FAT3: variants seen among roughly 807,000 people sequenced by gnomAD.
The protein encoded by FAT3 is protocadherin Fat 3.
In FAT3, 95 loss-of-function variants were observed where a neutral mutation model predicts 310.2. That is an observed-to-expected ratio of 0.31 (90% CI 0.26 to 0.36). The LOEUF is 0.36. Among genes scored for constraint, FAT3 ranks in the 10% least tolerant of loss-of-function variants. The pLI, the probability that FAT3 is intolerant of heterozygous loss-of-function variation, is 1.00. For synonymous variants in FAT3, 2,314 were observed against 2,192.9 expected (o/e 1.06, Z -1.54); for missense variants, 5,408 against 5,715.6 (o/e 0.95, Z 1.74).
In FAT3 at chr11:92,799,972, A is replaced by C; in HGVS notation, c.6959A>C (p.Lys2320Thr). ...VSIDADSENN[K>T]MVHYQIVQDT... The stretch of plus-strand genomic sequence containing the variant: ...ATTGATGCAGACTCAGAAAACAATA[A>C]AATGGTACATTATCAGATTGTCCAG... Residue 2320 changes from lysine to threonine, a missense_variant, in exon 10 of 28, where the codon AAA becomes ACA. Transcript: ENST00000525166. The C allele has an allele frequency of 1.2e-6, 2 of 1,613,484 alleles. No homozygotes were observed.
chr11:92,469,165 T>C (rs2135142441), intron 2 of FAT3, among the ~76,000 whole-genome samples: 1 of 152,276 alleles, frequency 6.6e-6, no homozygotes, highest in African/African-American at 2.4e-5. Flanking sequence ...GCATGTGGGA[T>C]CTTGATTGTT....
chr11:92,809,435 A>T (rs1947604693), intron 12 of FAT3, among the ~76,000 whole-genome samples: 1 of 152,216 alleles, frequency 6.6e-6, no homozygotes, highest in East Asian at 1.9e-4. Context: ...GTTGTTGACA[A>T]TATTGACCAT....
intron 19 of FAT3, among the ~76,000 whole-genome samples, chr11:92,848,608 T>C (rs144056686): frequency 7.9e-4 from 121 of 152,370 alleles, no homozygotes; most frequent in Admixed American, 1.6e-3. Context: ...CATCAGAGTT[T>C]ACAACCAGTG....
At position 92,752,635 on chromosome 11, in the gene FAT3, A is replaced by G. The variant is rs1401400615; in HGVS notation, c.3670-9221A>G. On this transcript the variant is annotated intron_variant, in intron 4 of 27. Transcript: ENST00000525166. ...CTTGCACTTATACCTGCAAAAGGAAACCACACACTTACAGGTGTGATTATA... is the reference window on the plus strand; with the variant it reads ...CTTGCACTTATACCTGCAAAAGGAAGCCACACACTTACAGGTGTGATTATA... 3.3e-5 allele frequency among the ~76,000 whole-genome samples: 5 copies of G among 152,246 alleles called. 1 individual carries two copies. Among genetic ancestry groups the G allele is most frequent in the Admixed American group, 2.6e-4 (4 of 15,290 alleles).
intron 3 of FAT3, among the ~76,000 whole-genome samples, chr11:92,565,221 C>T (rs1263069069): frequency 2.0e-5 from 3 of 151,350 alleles, no homozygotes; most frequent in East Asian, 2.0e-4. Flanking sequence ...ACCGATCCCA[C>T]GGAAATACAA....
intron 3 of FAT3, among the ~76,000 whole-genome samples, chr11:92,631,031 T>C (rs1299979329): frequency 6.6e-6 from 1 of 152,176 alleles, no homozygotes; most frequent in Non-Finnish European, 1.5e-5. Flanking sequence ...AGCAACCATA[T>C]TGGTATTGGT....
At chr11:92,849,020 C>A (rs552455524) in intron 19 of FAT3, among the ~76,000 whole-genome samples, 1 of 152,192 alleles carries the variant, frequency 6.6e-6, no homozygotes, top group African/African-American at 2.4e-5. Flanking sequence ...CAAGCCATGA[C>A]CAGTTCGCAT....
chr11:92,659,600 A>G (rs536476252), intron 3 of FAT3, among the ~76,000 whole-genome samples: 1 of 152,324 alleles, frequency 6.6e-6, no homozygotes, highest in South Asian at 2.1e-4. Context: ...CTGAGAGGAA[A>G]AGTAGGTGTT....
chr11:92,314,246 C>T (rs1006264421), intron 1 of FAT3: 1 of 965,424 alleles, frequency 1.0e-6, no homozygotes, highest in Non-Finnish European at 1.2e-6. Flanking sequence ...TAATTAAGGT[C>T]ATTGGATCAT....
rs1205602045 is a variant in FAT3, at chr11:92,859,185, G to T, written c.11521G>T (p.Ala3841Ser). Residue 3841 changes from alanine to serine, a missense_variant, in exon 21 of 28, where the codon GCT (alanine) becomes TCT (serine). Transcript: ENST00000525166. ...ECSGHTSLSF[A>S]GNSYIKYRLS... ...TTCAGGGCACACTTCTCTCAGCTTT[G>T]CTGGAAACAGTTACATCAAATATCG... The T allele has an allele frequency of 2.5e-6, 4 of 1,613,440 alleles. No individual in the cohort carries two copies. The highest frequency in any genetic ancestry group is 3.4e-6 in the Non-Finnish European group (4 of 1,179,816).
Position 92,794,662 on chromosome 11 carries a change from A to G in FAT3, c.4822+1685A>G, listed in dbSNP as rs149497875. ...CGTTTCTTTAACTGACTAAAACAAG[A>G]CAGAACAGTTATTTCCTTAAAACAT... On this transcript the variant is annotated intron_variant, in intron 9 of 27. Coordinates refer to ENST00000525166, the MANE Select transcript of FAT3 (RefSeq NM_001367949.2). 5.9e-3 allele frequency among the ~76,000 whole-genome samples: 899 copies of G among 152,358 alleles called. 23 individuals are homozygous for G. In the South Asian group the frequency reaches 0.071, roughly 12 times the overall value.
At chr11:92,248,883 T>C (rs1410322290) in intron 1 of FAT3, among the ~76,000 whole-genome samples, 1 of 152,104 alleles carries the variant, frequency 6.6e-6, no homozygotes, top group African/African-American at 2.4e-5. Flanking sequence ...ATAAGAATCA[T>C]GGAACTTTAG....
rs1947473164 is a variant in FAT3 at position 92,805,297 on chromosome 11, T to C, written c.9041T>C (p.Met3014Thr). ...GATGGGCTTTTTGTCACACAGGCCA[T>C]GGTGGAAGTGAGCGTCAGTGATGTG... ...ATDGLFVTQA[M>T]VEVSVSDVND... The change falls in exon 11 of 28, where the codon ATG becomes ACG. Residue 3014 changes from methionine to threonine, a missense_variant. By Grantham distance (81) the Met-to-Thr change is moderately conservative. Transcript: ENST00000525166. 6.2e-7 allele frequency: 1 copy of C among 1,613,658 alleles called. No individual in the cohort carries two copies. Among genetic ancestry groups the C allele is most frequent in the African/African-American group, 1.3e-5 (1 of 74,870 alleles).
At chr11:92,331,364 A>T (rs1426245447) in intron 1 of FAT3, among the ~76,000 whole-genome samples, 1 of 151,724 alleles carries the variant, frequency 6.6e-6, no homozygotes, top group African/African-American at 2.4e-5. Flanking sequence ...CTGAATAAAT[A>T]TTTTCTCTTC....
At chr11:92,760,074 C>G (rs532693381) in intron 4 of FAT3, among the ~76,000 whole-genome samples, 111 of 152,288 alleles carry the variant, frequency 7.3e-4, no homozygotes, top group African/African-American at 2.5e-3. Context: ...TGTGCCTCTT[C>G]AGAACTGGCA....
intron 3 of FAT3, among the ~76,000 whole-genome samples, chr11:92,566,933 C>T (rs555989613): frequency 2.6e-5 from 4 of 152,112 alleles, no homozygotes; most frequent in African/African-American, 7.2e-5. Context: ...CCATAAAAAC[C>T]GTAGAAGAAA....
chr11:92,838,732 G>A (rs979205047), intron 17 of FAT3, among the ~76,000 whole-genome samples: 5 of 152,272 alleles, frequency 3.3e-5, no homozygotes, highest in Middle Eastern at 3.4e-3. Context: ...CAGCTCTTGA[G>A]GGTCCCCTTT....
chr11:92,757,991 C>A (rs574408071), intron 4 of FAT3, among the ~76,000 whole-genome samples: 1 of 152,226 alleles, frequency 6.6e-6, no homozygotes, highest in South Asian at 2.1e-4. Context: ...TTAAAACTGT[C>A]CACCTCTAGC....
chr11:92,424,204 C>T (rs946788776), intron 2 of FAT3, among the ~76,000 whole-genome samples: 7 of 152,046 alleles, frequency 4.6e-5, no homozygotes, highest in Non-Finnish European at 8.8e-5. Flanking sequence ...TTAAATATTG[C>T]TGTTGTGACC....
Sources: gnomAD v4.1 joint callset for allele counts (sites outside exome capture counted in the v4.1 genomes callset) on GRCh38, gnomAD v4.1.1 for gene constraint, MANE v1.5 for transcripts, NCBI Gene and HGNC (gene_info 2026-07-23, HGNC 2026-07-21) for gene names.